Variants in NXPE2 observed in about 807,000 individuals in gnomAD.
NXPE2 encodes neurexophilin and PC-esterase domain family member 2.
In NXPE2, 34 loss-of-function variants were observed where a neutral mutation model predicts 34.4. The observed-to-expected ratio is 0.99, with a 90% CI of 0.75 to 1.31. The LOEUF (loss-of-function observed/expected upper bound fraction) is 1.31, where lower values mean the gene tolerates loss of function less well. NXPE2 is among the 40% of genes most tolerant of loss of function. NXPE2 has a pLI of 0.00. For missense variants in NXPE2, 649 were observed against 672.5 expected, an observed-to-expected ratio of 0.97 and a Z score of 0.39; for synonymous variants, 235 against 231.3, an observed-to-expected ratio of 1.02 and a Z score of -0.15.
At chr11:114,697,280 A>G (rs7926014) in intron 2 of NXPE2, among the ~76,000 whole-genome samples, 40,349 of 152,056 alleles carry the variant, frequency 0.27, 5,509 homozygotes, top group East Asian at 0.42. Flanking sequence ...AAACACACAC[A>G]GAGGGGAGGA....
At chr11:114,629,857 A>G in the NXPE2 span, among the ~76,000 whole-genome samples, 5 of 150,430 alleles carry the variant, frequency 3.3e-5, no homozygotes, top group African/African-American at 9.8e-5. Context: ...AAAAATCACA[A>G]CCATTCTTAT....
At chr11:114,660,809 ATTTTC>A in the NXPE2 span, among the ~76,000 whole-genome samples, 1 of 152,216 alleles carries the variant, frequency 6.6e-6, no homozygotes, top group East Asian at 1.9e-4. Context: ...ACAACTACAT[ATTTTC>A]ACAGCCAATA....
chr11:114,733,791 T>C, the NXPE2 span, among the ~76,000 whole-genome samples: 1 of 152,182 alleles, frequency 6.6e-6, no homozygotes, highest in Non-Finnish European at 1.5e-5. Context: ...TCTAACCCCC[T>C]ACATCCTTAC....
At chr11:114,805,985 T>G in the NXPE2 span, among the ~76,000 whole-genome samples, 1 of 152,142 alleles carries the variant, frequency 6.6e-6, no homozygotes, top group Non-Finnish European at 1.5e-5. Context: ...CGGGTACTCC[T>G]CTGAGACAAA....
the NXPE2 span, among the ~76,000 whole-genome samples, chr11:114,757,776 A>T: frequency 6.6e-6 from 1 of 152,164 alleles, no homozygotes; most frequent in African/African-American, 2.4e-5. Flanking sequence ...TGGGGTTCTT[A>T]GACTAGAACT....
the NXPE2 span, chr11:114,530,337 A>G: frequency 6.2e-7 from 1 of 1,614,216 alleles, no homozygotes; most frequent in Non-Finnish European, 8.5e-7. Flanking sequence ...ATTTGAGTTT[A>G]GGGTCAGGCC....
the NXPE2 span, among the ~76,000 whole-genome samples, chr11:114,795,978 C>T: frequency 3.9e-5 from 6 of 152,140 alleles, no homozygotes; most frequent in Admixed American, 3.9e-4. Context: ...CTCTCACACT[C>T]CTATTCAGTA....
chr11:114,647,223 G>C, the NXPE2 span, among the ~76,000 whole-genome samples: 1 of 152,142 alleles, frequency 6.6e-6, no homozygotes, highest in African/African-American at 2.4e-5. Context: ...GTAGATTTGG[G>C]TAAGTAATGT....
the NXPE2 span, among the ~76,000 whole-genome samples, chr11:114,756,150 A>G: frequency 6.6e-6 from 1 of 151,916 alleles, no homozygotes; most frequent in Non-Finnish European, 1.5e-5. Flanking sequence ...GTTTTCTCCT[A>G]CTCTGTTATG....
the NXPE2 span, among the ~76,000 whole-genome samples, chr11:114,619,110 T>G: frequency 2.6e-5 from 4 of 151,936 alleles, no homozygotes; most frequent in Non-Finnish European, 5.9e-5. Flanking sequence ...GCACTGTGGA[T>G]AATAAGTGTT....
the NXPE2 span, among the ~76,000 whole-genome samples, chr11:114,633,413 T>C: frequency 1.4e-5 from 2 of 145,666 alleles, no homozygotes; most frequent in South Asian, 2.1e-4. Flanking sequence ...TATTTTATTA[T>C]ATGTTATATA....
chr11:114,536,589 A>T, the NXPE2 span, among the ~76,000 whole-genome samples: 133 of 152,328 alleles, frequency 8.7e-4, no homozygotes, highest in African/African-American at 3.0e-3. Context: ...ATAAAAAATG[A>T]CAAAGGGGAT....
the NXPE2 span, among the ~76,000 whole-genome samples, chr11:114,635,601 T>C: frequency 6.6e-6 from 1 of 152,084 alleles, no homozygotes; most frequent in East Asian, 1.9e-4. Context: ...GGCTGTGGGT[T>C]TGTCATAGAT....
chr11:114,703,957 A>T, intron 3 of NXPE2, 34 bp from the exon 4 acceptor site: 1 of 1,461,724 alleles, frequency 6.8e-7, no homozygotes, highest in Non-Finnish European at 9.4e-7. Flanking sequence ...ATCTGGGCAG[A>T]TATTAAGCTA....
the NXPE2 span, among the ~76,000 whole-genome samples, chr11:114,560,273 C>CTTT: frequency 1.5e-4 from 20 of 135,152 alleles, no homozygotes; most frequent in African/African-American, 4.1e-4. Context: ...CTTTTTTTTT[C>CTTT]TTTTTTTTTT....
chr11:114,700,589 A>T (rs1011085412), intron 3 of NXPE2, among the ~76,000 whole-genome samples: 4 of 152,184 alleles, frequency 2.6e-5, no homozygotes, highest in Admixed American at 6.5e-5. Flanking sequence ...GTCTGTCAGG[A>T]AGTCATTCAG....
the NXPE2 span, among the ~76,000 whole-genome samples, chr11:114,539,864 G>A: frequency 8.6e-5 from 13 of 151,720 alleles, no homozygotes; most frequent in African/African-American, 2.2e-4. Context: ...ATTATATTTC[G>A]TAAATTGTAT....
chr11:114,725,345 C>G, the NXPE2 span, among the ~76,000 whole-genome samples: 1 of 152,074 alleles, frequency 6.6e-6, no homozygotes, highest in Non-Finnish European at 1.5e-5. Context: ...CAGTCATACT[C>G]CATTGCCTTT....
At chr11:114,662,225 C>A in the NXPE2 span, among the ~76,000 whole-genome samples, 1 of 134,422 alleles carries the variant, frequency 7.4e-6, no homozygotes, top group African/African-American at 2.6e-5. Context: ...TTTCTGTGCA[C>A]TGGGGAGAGA....
Sources: allele counts gnomAD v4.1 joint callset (sites outside exome capture counted in the v4.1 genomes callset), GRCh38; gene constraint gnomAD v4.1.1; transcripts MANE v1.5; gene names NCBI Gene and HGNC (gene_info 2026-07-23, HGNC 2026-07-21).